IMMP2L: variants seen among roughly 807,000 people sequenced by gnomAD.
The protein encoded by IMMP2L is mitochondrial inner membrane protease subunit 2.
IMMP2L carries 18 observed loss-of-function variants against 19.3 expected under a neutral mutation model. The observed-to-expected ratio is 0.93, with a 90% CI of 0.64 to 1.38. The LOEUF is 1.38. IMMP2L is among the 40% of genes most tolerant of loss of function. The probability of loss-of-function intolerance (pLI) is 0.00; values close to 1 mark genes in which losing one functional copy is unlikely to be tolerated. For missense variants in IMMP2L, 233 were observed against 218.2 expected (o/e 1.07, Z -0.43); for synonymous variants, 76 against 73.0 (o/e 1.04, Z -0.21).
At chr7:111,492,952 T>C (rs1483623757) in intron 2 of IMMP2L, among the ~76,000 whole-genome samples, 2 of 152,124 alleles carry the variant, frequency 1.3e-5, no homozygotes, top group Non-Finnish European at 2.9e-5. Context: ...TCCACTCAGG[T>C]GTAAGTTTCT....
At chr7:111,139,985 T>G (rs1802717909) in intron 3 of IMMP2L, among the ~76,000 whole-genome samples, 1 of 152,098 alleles carries the variant, frequency 6.6e-6, no homozygotes, top group Non-Finnish European at 1.5e-5. Context: ...TAAACCACAG[T>G]TAGAATTACA....
intron 3 of IMMP2L, among the ~76,000 whole-genome samples, chr7:111,366,598 T>C (rs1406230614): frequency 6.6e-6 from 1 of 151,924 alleles, no homozygotes; most frequent in African/African-American, 2.4e-5. Flanking sequence ...GTAATGGCAA[T>C]ATATTAATGT....
At chr7:111,016,621 CAT>C (rs541451449) in intron 3 of IMMP2L, among the ~76,000 whole-genome samples, 3,464 of 105,736 alleles carry the variant, frequency 0.033, 194 homozygotes, top group African/African-American at 0.13. Flanking sequence ...ATAATATATA[CAT>C]ATATATAATG....
chr7:110,829,274 T>G (rs1278040406), intron 5 of IMMP2L, among the ~76,000 whole-genome samples: 3 of 152,156 alleles, frequency 2.0e-5, no homozygotes, highest in African/African-American at 7.2e-5. Context: ...TCACCAAATA[T>G]TTTATAGAAC....
At chr7:111,400,200 C>G (rs1833290070) in intron 3 of IMMP2L, among the ~76,000 whole-genome samples, 1 of 152,202 alleles carries the variant, frequency 6.6e-6, no homozygotes, top group African/African-American at 2.4e-5. Context: ...TCACTATCAC[C>G]TAGCTCATAG....
chr7:111,156,386 C>A (rs1211347926), intron 3 of IMMP2L, among the ~76,000 whole-genome samples: 1 of 152,066 alleles, frequency 6.6e-6, no homozygotes, highest in Non-Finnish European at 1.5e-5. Flanking sequence ...ACTTTACTTT[C>A]TAAATATTAA....
rs541980117 is a variant in IMMP2L at position 111,526,746 on chromosome 7, G to A, written c.-2-5297C>T. 1.3e-4 allele frequency among the ~76,000 whole-genome samples: 20 copies of A among 152,136 alleles called. No individual in the cohort carries two copies. The South Asian group carries it at 3.3e-3, about 25-fold the overall frequency. On this transcript the variant is annotated intron_variant, in intron 1 of 5. Coordinates refer to ENST00000405709, the MANE Select transcript of IMMP2L (RefSeq NM_032549.4). The stretch of plus-strand genomic sequence containing the variant: ...TTCTGGAAAGTTCTGTCAAATATTC[G>A]CTACTTTTATTTTAAGAGGCACAGA...
chr7:110,959,321 G>A (rs1228049031), intron 4 of IMMP2L, among the ~76,000 whole-genome samples: 1 of 151,930 alleles, frequency 6.6e-6, no homozygotes, highest in Non-Finnish European at 1.5e-5. Flanking sequence ...AAAGCACCTT[G>A]CCTGTCACAA....
intron 5 of IMMP2L, among the ~76,000 whole-genome samples, chr7:110,822,647 G>A (rs184486758): frequency 1.3e-5 from 2 of 152,082 alleles, no homozygotes; most frequent in Non-Finnish European, 1.5e-5. Context: ...AATAGATTTA[G>A]TTCCAGGCTC....
chr7:111,019,732 G>A (rs186462312), intron 3 of IMMP2L, among the ~76,000 whole-genome samples: 86 of 152,264 alleles, frequency 5.6e-4, no homozygotes, highest in African/African-American at 2.0e-3. Context: ...TAATGCCAGT[G>A]CCTTTGGAAA....
intron 3 of IMMP2L, among the ~76,000 whole-genome samples, chr7:111,193,069 G>C (rs1171398077): frequency 6.6e-6 from 1 of 152,118 alleles, no homozygotes; most frequent in Non-Finnish European, 1.5e-5. Flanking sequence ...TGGAGATATT[G>C]AGTAAAAGCA....
At chr7:110,868,117 T>TGTGTGTGTGTGTGTG (rs1808167469) in intron 5 of IMMP2L, among the ~76,000 whole-genome samples, 4 of 144,376 alleles carry the variant, frequency 2.8e-5, no homozygotes, top group Admixed American at 1.4e-4. Context: ...CTTGTGAGGT[T>TGTGTGTGTGTGTGTG]TGTGTGTGTG....
intron 3 of IMMP2L, among the ~76,000 whole-genome samples, chr7:111,157,506 T>C (rs1804771595): frequency 6.6e-6 from 1 of 152,090 alleles, no homozygotes; most frequent in East Asian, 1.9e-4. Context: ...TTCTTACTTA[T>C]TTGTGAGAAC....
At chr7:111,193,055 T>C (rs926961876) in intron 3 of IMMP2L, among the ~76,000 whole-genome samples, 1 of 151,994 alleles carries the variant, frequency 6.6e-6, no homozygotes, top group Non-Finnish European at 1.5e-5. Context: ...AAGAGATGCA[T>C]AAATGGAGAT....
At chr7:110,945,268 A>C (rs1563101212) in intron 4 of IMMP2L, among the ~76,000 whole-genome samples, 1 of 151,970 alleles carries the variant, frequency 6.6e-6, no homozygotes, top group Non-Finnish European at 1.5e-5. Flanking sequence ...ATGCATAATA[A>C]GATTAACATT....
At chr7:110,898,860 C>T (rs985911159) in intron 4 of IMMP2L, among the ~76,000 whole-genome samples, 1 of 149,084 alleles carries the variant, frequency 6.7e-6, no homozygotes, top group African/African-American at 2.5e-5. Context: ...ACAGTCATTA[C>T]AATAAAGTTT....
chr7:110,681,440 T>C (rs1476769670), intron 5 of IMMP2L, among the ~76,000 whole-genome samples: 1 of 152,106 alleles, frequency 6.6e-6, no homozygotes, highest in Non-Finnish European at 1.5e-5. Flanking sequence ...TACACAGCCA[T>C]GCCACTCTGT....
At chr7:111,255,863 A>G (rs1714745528) in intron 3 of IMMP2L, among the ~76,000 whole-genome samples, 1 of 152,028 alleles carries the variant, frequency 6.6e-6, no homozygotes, top group African/African-American at 2.4e-5. Context: ...ATCTATCTAT[A>G]CAATGCTTCT....
chr7:111,526,621 A>G (rs1364960292), intron 1 of IMMP2L, among the ~76,000 whole-genome samples: 1 of 152,182 alleles, frequency 6.6e-6, no homozygotes, highest in African/African-American at 2.4e-5. Flanking sequence ...TACAAATAAC[A>G]CTGAGCAAGA....
Sources: gnomAD v4.1 joint callset for allele counts (sites outside exome capture counted in the v4.1 genomes callset) on GRCh38, gnomAD v4.1.1 for gene constraint, MANE v1.5 for transcripts, NCBI Gene and HGNC (gene_info 2026-07-23, HGNC 2026-07-21) for gene names.